PPME1: variants seen among roughly 807,000 people sequenced by gnomAD.
The protein encoded by PPME1 is protein phosphatase methylesterase 1.
Under a neutral mutation model 56.9 loss-of-function variants are expected in PPME1, and 17 were observed. The observed-to-expected ratio is 0.30, with a 90% CI of 0.20 to 0.45. The LOEUF (loss-of-function observed/expected upper bound fraction) is 0.45. Ranked by LOEUF, PPME1 falls within the 20% of genes least tolerant of loss-of-function variation. The pLI, the probability that PPME1 is intolerant of heterozygous loss-of-function variation, is 1.00. For synonymous variants in PPME1, 122 were observed against 156.2 expected (o/e 0.78, Z 1.63); for missense variants, 357 against 483.2 (o/e 0.74, Z 2.45).
At chr11:74,241,326 C>T (rs532454993) in intron 9 of PPME1, among the ~76,000 whole-genome samples, 19 of 152,208 alleles carry the variant, frequency 1.2e-4, no homozygotes, top group Non-Finnish European at 2.6e-4. Flanking sequence ...TACTTCATTT[C>T]TCTATATGGT....
chr11:74,194,155 C>G (rs1857917270), intron 1 of PPME1, among the ~76,000 whole-genome samples: 1 of 151,794 alleles, frequency 6.6e-6, no homozygotes, highest in African/African-American at 2.4e-5. Flanking sequence ...CTTCTCCCTT[C>G]TCAATGCTAA....
rs1387513445 is a variant in PPME1, at chr11:74,235,920, C to T, written c.664C>T (p.Arg222Ter). 2 of 1,612,028 alleles carry T rather than the reference C, an allele frequency of 1.2e-6. No individual in the cohort carries two copies. ...IEWSVKSGQIRNLESARVSMV... is the reference protein window; with the variant it reads ...IEWSVKSGQI Reference sequence around the variant, plus strand: ...TCCCAGTGTGAAGAGTGGCCAGATTCGAAATCTGGAGTCTGCCCGTGTCTC... The same window carrying T: ...TCCCAGTGTGAAGAGTGGCCAGATTTGAAATCTGGAGTCTGCCCGTGTCTC... The change falls in exon 8 of 14, where the codon CGA (arginine) becomes TGA (stop). Residue 222 changes from arginine to a stop codon, truncating the protein, a stop_gained. Transcript: ENST00000328257. LOFTEE classifies it high-confidence loss of function.
intron 3 of PPME1, among the ~76,000 whole-genome samples, chr11:74,215,926 A>AG (rs1858627924): frequency 6.6e-6 from 1 of 152,220 alleles, no homozygotes; most frequent in Non-Finnish European, 1.5e-5. Flanking sequence ...TATAATGATA[A>AG]GGGGGTCAAT....
intron 1 of PPME1, among the ~76,000 whole-genome samples, chr11:74,172,074 G>C (rs1857260568): frequency 6.6e-6 from 1 of 152,202 alleles, no homozygotes; most frequent in African/African-American, 2.4e-5. Flanking sequence ...CGATTCTAGA[G>C]AATTCCCAGA....
chr11:74,223,769 C>T (rs867502587), intron 4 of PPME1, among the ~76,000 whole-genome samples: 518 of 121,634 alleles, frequency 4.3e-3, no homozygotes, highest in African/African-American at 0.014. Flanking sequence ...TCATGTCCTT[C>T]GCCCACTTTT....
chr11:74,213,086 C>G, intron 3 of PPME1, among the ~76,000 whole-genome samples: 1 of 152,090 alleles, frequency 6.6e-6, no homozygotes, highest in East Asian at 1.9e-4. Context: ...TGGACCTACC[C>G]TGGGCCAGAG....
intron 5 of PPME1, among the ~76,000 whole-genome samples, chr11:74,225,871 T>A (rs1858921240): frequency 6.6e-6 from 1 of 152,178 alleles, no homozygotes; most frequent in Non-Finnish European, 1.5e-5. Context: ...AAGCTCTGTG[T>A]AGGAATCTGA....
At chr11:74,247,567 C>T in intron 11 of PPME1, 1 of 150,158 alleles carries the variant, frequency 6.7e-6, no homozygotes, top group Non-Finnish European at 1.5e-5. Context: ...CGGCTCACTG[C>T]AACCTCTACC....
At chr11:74,194,516 C>T (rs963302508) in intron 1 of PPME1, among the ~76,000 whole-genome samples, 3 of 151,604 alleles carry the variant, frequency 2.0e-5, no homozygotes, top group Non-Finnish European at 2.9e-5. Flanking sequence ...CTCATCTATG[C>T]GTTTAAGAAG....
At chr11:74,218,176 T>C (rs1434231657) in intron 3 of PPME1, among the ~76,000 whole-genome samples, 1 of 151,798 alleles carries the variant, frequency 6.6e-6, no homozygotes, top group Non-Finnish European at 1.5e-5. Context: ...TTACAGTAGC[T>C]ACAAATAAAA....
chr11:74,189,478 A>G (rs1419255620), intron 1 of PPME1, among the ~76,000 whole-genome samples: 2 of 152,130 alleles, frequency 1.3e-5, no homozygotes, highest in Non-Finnish European at 2.9e-5. Context: ...TCATAGAGAC[A>G]GTGTTTTGCC....
intron 9 of PPME1, among the ~76,000 whole-genome samples, chr11:74,240,852 C>T (rs529144928): frequency 6.6e-6 from 1 of 152,302 alleles, no homozygotes; most frequent in South Asian, 2.1e-4. Flanking sequence ...GCTTTTTACC[C>T]ATTATGTGCT....
chr11:74,214,859 T>C (rs1858586760), intron 3 of PPME1, among the ~76,000 whole-genome samples: 1 of 152,124 alleles, frequency 6.6e-6, no homozygotes, highest in Non-Finnish European at 1.5e-5. Context: ...AGGACATTAA[T>C]GAACACTAAG....
At chr11:74,247,454 C>A in intron 11 of PPME1, 1 of 185,532 alleles carries the variant, frequency 5.4e-6, no homozygotes. Context: ...AAGAGATATT[C>A]TGACTACTGA....
chr11:74,242,633 C>T (rs1465946131), intron 9 of PPME1, among the ~76,000 whole-genome samples: 1 of 151,992 alleles, frequency 6.6e-6, no homozygotes, highest in African/African-American at 2.4e-5. Flanking sequence ...GTAATCTCAG[C>T]GCTTTGGGAG....
intron 5 of PPME1, 75 bp downstream of exon 5, chr11:74,225,331 T>G: frequency 9.3e-7 from 1 of 1,080,624 alleles, no homozygotes; most frequent in Non-Finnish European, 1.3e-6. Context: ...CTTTATCACT[T>G]TCCTGATGAG....
chr11:74,231,231 A>G (rs1271092132), intron 7 of PPME1, among the ~76,000 whole-genome samples: 1 of 151,950 alleles, frequency 6.6e-6, no homozygotes, highest in African/African-American at 2.4e-5. Flanking sequence ...CTAATTTTTA[A>G]ATTTTTTGTA....
intron 3 of PPME1, among the ~76,000 whole-genome samples, chr11:74,209,698 T>C (rs953096092): frequency 2.6e-5 from 4 of 152,216 alleles, no homozygotes; most frequent in African/African-American, 9.6e-5. Context: ...AGGCTATTCT[T>C]ATATTACTCA....
chr11:74,192,741 C>G (rs1405937728), intron 1 of PPME1, among the ~76,000 whole-genome samples: 3 of 151,936 alleles, frequency 2.0e-5, no homozygotes, highest in Non-Finnish European at 4.4e-5. Flanking sequence ...AGTGTGGCAC[C>G]TCCCCCTTCT....
Sources: allele counts gnomAD v4.1 joint callset (sites outside exome capture counted in the v4.1 genomes callset), GRCh38; gene constraint gnomAD v4.1.1; transcripts MANE v1.5; gene names NCBI Gene and HGNC (gene_info 2026-07-23, HGNC 2026-07-21).